The following REXO2 variants were observed in gnomAD, a reference collection of about 807,000 sequenced individuals.
The protein encoded by REXO2 is oligoribonuclease, mitochondrial.
Under a neutral mutation model 30.9 loss-of-function variants are expected in REXO2, and 17 were observed. The observed-to-expected ratio is 0.55, with a 90% CI of 0.38 to 0.82. The LOEUF is 0.82. Ranked by LOEUF, REXO2 falls within the 40% of genes least tolerant of loss-of-function variation. The pLI is 0.00. For synonymous variants in REXO2, 105 were observed against 99.6 expected, an observed-to-expected ratio of 1.05 and a Z score of -0.32; for missense variants, 253 against 293.2, an observed-to-expected ratio of 0.86 and a Z score of 1.00.
chr11:114,442,493 T>C (rs75167702), intron 2 of REXO2, among the ~76,000 whole-genome samples: 6,316 of 152,252 alleles, frequency 0.041, 153 homozygotes, highest in Middle Eastern at 0.092. Context: ...ACACCAGTTT[T>C]CTTGTTTGGC....
intron 2 of REXO2, among the ~76,000 whole-genome samples, chr11:114,442,540 T>A (rs1197512942): frequency 2.6e-5 from 4 of 152,188 alleles, no homozygotes; most frequent in Non-Finnish European, 2.9e-5. Context: ...TCAGGCGTAT[T>A]TTAATTAAAT....
In REXO2 at chr11:114,440,691, T is replaced by G. The variant is rs202007830; in HGVS notation, c.183T>G (p.Ile61Met). Reference protein sequence around the residue: ...TGLDIEKDQIIEMACLITDSD... With the variant: ...TGLDIEKDQIMEMACLITDSD... ...TGGACATTGAGAAGGACCAGATTAT[T>G]GAGATGGCCTGTCTGATAACTGACT... is the stretch of plus-strand genomic sequence containing the variant. Residue 61 changes from isoleucine to methionine, a missense_variant, in exon 2 of 7, where the codon ATT becomes ATG. Coordinates refer to ENST00000265881, the MANE Select transcript of REXO2 (RefSeq NM_015523.4). The G allele has an allele frequency of 7.7e-5, 124 of 1,613,112 alleles. No individual in the cohort carries two copies. The highest frequency in any genetic ancestry group is 8.6e-5 in the Non-Finnish European group (102 of 1,179,224).
chr11:114,444,537 G>T lies in REXO2; in HGVS notation c.310-4G>T. 1.3e-6 allele frequency: 2 copies of T among 1,598,594 alleles called. No individual in the cohort carries two copies. The highest frequency in any genetic ancestry group is 1.7e-6 in the Non-Finnish European group (2 of 1,170,290). ...GGTGGGGGGCTGGGGATTCTCTCTT[G>T]CAGTCTGGCCTTACCAAGGCAGTGA... is the stretch of plus-strand genomic sequence containing the variant. On this transcript the variant is annotated splice_polypyrimidine_tract_variant and splice_region_variant and intron_variant, in intron 3 of 6. Coordinates refer to ENST00000265881, the MANE Select transcript of REXO2 (RefSeq NM_015523.4).
chr11:114,440,248 A>C (rs922150217), intron 1 of REXO2: 8 of 421,766 alleles, frequency 1.9e-5, no homozygotes, highest in African/African-American at 1.4e-4. Context: ...GTTGAGCCTC[A>C]GTTTATATGA....
At chr11:114,447,314 G>T (rs1280658806) in intron 5 of REXO2, among the ~76,000 whole-genome samples, 1 of 152,196 alleles carries the variant, frequency 6.6e-6, no homozygotes, top group Non-Finnish European at 1.5e-5. Flanking sequence ...TGATAAAAAT[G>T]TGAGAGGGTC....
chr11:114,439,496 C>G lies in REXO2; in HGVS notation c.-33C>G. ...ATTGCGCCTGCGCCAGCGCCGGCTGCGAGACTGGGGCCGTGGCTGCTGGTC... is the reference window on the plus strand; with the variant it reads ...ATTGCGCCTGCGCCAGCGCCGGCTGGGAGACTGGGGCCGTGGCTGCTGGTC... On this transcript the variant is annotated 5_prime_UTR_variant, in exon 1 of 7. Coordinates refer to ENST00000265881, the MANE Select transcript of REXO2 (RefSeq NM_015523.4). 1 of 1,597,672 alleles carries G rather than the reference C, an allele frequency of 6.3e-7. No individual in the cohort carries two copies. The highest frequency in any genetic ancestry group is 8.5e-7 in the Non-Finnish European group (1 of 1,177,550).
intron 2 of REXO2, among the ~76,000 whole-genome samples, chr11:114,442,421 G>A (rs1946484916): frequency 1.3e-5 from 2 of 151,076 alleles, no homozygotes; most frequent in African/African-American, 4.9e-5. Flanking sequence ...TTTTTCCTTC[G>A]TGACTATCAT....
At chr11:114,446,369 A>T (rs1429996574) in intron 5 of REXO2, 2 of 249,338 alleles carry the variant, frequency 8.0e-6, no homozygotes, top group Admixed American at 1.0e-4. Context: ...AAGTCTTGTG[A>T]CTGGGAACAT....
intron 2 of REXO2, among the ~76,000 whole-genome samples, chr11:114,442,504 T>C (rs1306611675): frequency 6.6e-6 from 1 of 152,214 alleles, no homozygotes; most frequent in Non-Finnish European, 1.5e-5. Context: ...CTTGTTTGGC[T>C]AAATCTCCTT....
At chr11:114,441,444 C>T (rs1460286401) in intron 2 of REXO2, among the ~76,000 whole-genome samples, 1 of 152,216 alleles carries the variant, frequency 6.6e-6, no homozygotes, top group African/African-American at 2.4e-5. Context: ...TTGCATGCTA[C>T]TTCCAACTGA....
At chr11:114,439,823 T>G in intron 1 of REXO2, 148 bp downstream of exon 1, 3 of 955,590 alleles carry the variant, frequency 3.1e-6, no homozygotes, top group Non-Finnish European at 1.5e-6. Context: ...GCAGGGCAAG[T>G]CCGGAGGCAG....
chr11:114,443,334 T>C (rs917016801), intron 2 of REXO2, among the ~76,000 whole-genome samples: 1 of 151,486 alleles, frequency 6.6e-6, no homozygotes, highest in Non-Finnish European at 1.5e-5. Context: ...CCTGGACTGG[T>C]CTTGAACTAC....
At chr11:114,444,053 T>C (rs1390244924) in intron 3 of REXO2, 120 bp downstream of exon 3, 2 of 759,282 alleles carry the variant, frequency 2.6e-6, no homozygotes, top group Middle Eastern at 2.3e-4. Flanking sequence ...GAAGATTGCA[T>C]GGCAAGCCTG....
intron 6 of REXO2, chr11:114,449,100 G>T (rs947704330): frequency 6.6e-6 from 1 of 152,152 alleles, no homozygotes; most frequent in African/African-American, 2.4e-5. Context: ...TAATAATCTT[G>T]GTTACCTGAT....
intron 6 of REXO2, 79 bp downstream of exon 6, chr11:114,447,958 C>A: frequency 9.5e-7 from 1 of 1,053,778 alleles, no homozygotes; most frequent in South Asian, 1.4e-5. Flanking sequence ...GAAATAATGT[C>A]CCTTAACTCT....
At position 114,450,203 on chromosome 11, in the gene REXO2, A is replaced by G; in HGVS notation, c.*228A>G. The G allele has an allele frequency of 3.6e-6, 1 of 274,758 alleles. No homozygotes were observed. Among genetic ancestry groups the G allele is most frequent in the South Asian group, 6.2e-5 (1 of 16,026 alleles). The allele number at this position is 274,758 out of a possible 1,614,324, so 17.0% of individuals were successfully genotyped here. ...GTCATGTCCATCCCTTGGTACATAT[A>G]TGCATTTGCTTTTAAACCATTTCTT... is the stretch of plus-strand genomic sequence containing the variant. On this transcript the variant is annotated 3_prime_UTR_variant, in exon 7 of 7. Transcript: ENST00000265881.
Position 114,443,841 on chromosome 11 carries a change from G to C in REXO2, c.232-15G>C. On this transcript the variant is annotated splice_polypyrimidine_tract_variant and intron_variant, in intron 2 of 6. Transcript: ENST00000265881. The stretch of plus-strand genomic sequence containing the variant: ...CTGTTGTTTCTTGGTGACTGATGGC[G>C]TTTCCCATCCACAGGGTCCTAACCT... The C allele has an allele frequency of 6.3e-7, 1 of 1,592,464 alleles. No homozygotes were observed. The highest frequency in any genetic ancestry group is 1.1e-5 in the South Asian group (1 of 87,696).
intron 6 of REXO2, 108 bp from the exon 7 acceptor site, chr11:114,449,738 A>G (rs1158170748): frequency 9.5e-7 from 1 of 1,054,942 alleles, no homozygotes; most frequent in Non-Finnish European, 1.4e-6. Context: ...AGTGACACTT[A>G]CAGTAACATC....
intron 1 of REXO2, chr11:114,439,905 GCTT>G (rs995228046): frequency 4.6e-5 from 27 of 582,260 alleles, no homozygotes; most frequent in African/African-American, 4.3e-4. Context: ...CCTCCGTGTG[GCTT>G]CTTCTCCTCC....
Sources: allele counts gnomAD v4.1 joint callset (sites outside exome capture counted in the v4.1 genomes callset), GRCh38; gene constraint gnomAD v4.1.1; transcripts MANE v1.5; gene names NCBI Gene and HGNC (gene_info 2026-07-23, HGNC 2026-07-21).